PDZD9: variants seen among roughly 807,000 people sequenced by gnomAD.
PDZD9 encodes PDZ domain-containing protein 9.
In PDZD9, 13 loss-of-function variants were observed where a neutral mutation model predicts 16.3. That is an observed-to-expected ratio of 0.80 (90% CI 0.52 to 1.27). The LOEUF is 1.27. Ranked by LOEUF, PDZD9 falls within the 50% of genes most tolerant of loss-of-function variation. The pLI, the probability that PDZD9 is intolerant of heterozygous loss-of-function variation, is 0.00. For missense variants in PDZD9, 288 were observed against 310.9 expected, an observed-to-expected ratio of 0.93 and a Z score of 0.55; for synonymous variants, 120 against 111.0, an observed-to-expected ratio of 1.08 and a Z score of -0.51.
rs779303317 is a variant in PDZD9 at position 21,988,807 on chromosome 16, A to G, written c.212-16T>C. The stretch of plus-strand genomic sequence containing the variant: ...AGAACATCACCTGAAGAGGGAAAAA[A>G]TTATGTATCAGTAAAACTAGAGGTT... On this transcript the variant is annotated splice_polypyrimidine_tract_variant and intron_variant, in intron 2 of 3. Transcript: ENST00000424898. 14 of 1,577,494 alleles carry G rather than the reference A, an allele frequency of 8.9e-6. No individual in the cohort carries two copies. Among genetic ancestry groups the G allele is most frequent in the East Asian group, 4.5e-5 (2 of 44,502 alleles).
At chr16:21,963,131 G>C in the PDZD9 span, 1 of 301,588 alleles carries the variant, frequency 3.3e-6, no homozygotes, top group Non-Finnish European at 6.2e-6. Flanking sequence ...TGGAATTATA[G>C]GTGTGCACCA....
chr16:21,979,888 A>C (rs1898674305), downstream of PDZD9, among the ~76,000 whole-genome samples: 1 of 152,230 alleles, frequency 6.6e-6, no homozygotes, highest in African/African-American at 2.4e-5. Flanking sequence ...ATTATGTAGT[A>C]CATGACTATA....
In PDZD9 at chr16:21,984,677, A is replaced by G. The variant is rs1898831759; in HGVS notation, c.402-17T>C. ...TTTGGTGTGCTGAAATGAAAAGAAT[A>G]GTGAATAAAATAGATTCTTCATGTC... is the stretch of plus-strand genomic sequence containing the variant. On this transcript the variant is annotated splice_polypyrimidine_tract_variant and intron_variant, in intron 3 of 3. Transcript: ENST00000424898. The G allele has an allele frequency of 2.0e-6, 3 of 1,482,072 alleles. No individual in the cohort carries two copies. Among genetic ancestry groups the G allele is most frequent in the Non-Finnish European group, 2.7e-6 (3 of 1,115,928 alleles). The allele number at this position is 1,482,072 out of a possible 1,614,324, so 91.8% of individuals were successfully genotyped here.
chr16:21,980,777 C>T (rs879856861), downstream of PDZD9: 239 of 1,530,790 alleles, frequency 1.6e-4, no homozygotes, highest in Non-Finnish European at 1.8e-4. Flanking sequence ...GATGCATAAG[C>T]GTCCTTGGGC....
intron 3 of PDZD9, among the ~76,000 whole-genome samples, chr16:21,985,934 A>T (rs539510001): frequency 6.6e-6 from 1 of 152,066 alleles, no homozygotes; most frequent in Non-Finnish European, 1.5e-5. Flanking sequence ...TGAACAGCAC[A>T]TGAATTTTTT....
At chr16:21,992,716 T>C (rs1229131237) in intron 2 of PDZD9, among the ~76,000 whole-genome samples, 1 of 152,232 alleles carries the variant, frequency 6.6e-6, no homozygotes, top group Non-Finnish European at 1.5e-5. Context: ...AGCCACAGAC[T>C]GGAGGCTACA....
chr16:21,965,621 G>T, the PDZD9 span: 2,500 of 853,632 alleles, frequency 2.9e-3, 14 homozygotes, highest in South Asian at 0.015. Flanking sequence ...GAAATTCAGC[G>T]TGCTAGCTTT....
chr16:21,971,421 G>T, the PDZD9 span: 1 of 905,756 alleles, frequency 1.1e-6, no homozygotes, highest in Non-Finnish European at 1.7e-6. Flanking sequence ...TTATTTTGTA[G>T]TGTTAGGATT....
At chr16:21,988,891 ATTG>A (rs1415090237) in intron 2 of PDZD9, 100 bp from the exon 3 acceptor site, 1 of 703,190 alleles carries the variant, frequency 1.4e-6, no homozygotes, top group African/African-American at 2.1e-5. Context: ...ATGGGTTCAT[ATTG>A]TTGATTCTTT....
At chr16:21,999,384 G>C (rs1899232769) in intron 1 of PDZD9, 1 of 185,572 alleles carries the variant, frequency 5.4e-6, no homozygotes, top group Non-Finnish European at 1.2e-5. Flanking sequence ...GGACAACCAG[G>C]TGGAGGAGGC....
chr16:21,991,227 A>G (rs1221307935), intron 2 of PDZD9, among the ~76,000 whole-genome samples: 1 of 150,674 alleles, frequency 6.6e-6, no homozygotes, highest in African/African-American at 2.4e-5. Context: ...TTGAAGCTAC[A>G]TTAATTTCTT....
At chr16:21,966,330 T>C in the PDZD9 span, among the ~76,000 whole-genome samples, 3 of 152,164 alleles carry the variant, frequency 2.0e-5, no homozygotes, top group Non-Finnish European at 4.4e-5. Context: ...TTGCTGGCTA[T>C]AGGGGTTTGT....
At chr16:21,960,208 C>T in the PDZD9 span, among the ~76,000 whole-genome samples, 1 of 152,166 alleles carries the variant, frequency 6.6e-6, no homozygotes, top group Non-Finnish European at 1.5e-5. Context: ...AGTGTAGCCA[C>T]CTTCATCGAT....
At chr16:21,961,942 T>G in the PDZD9 span, among the ~76,000 whole-genome samples, 1 of 152,034 alleles carries the variant, frequency 6.6e-6, no homozygotes, top group Middle Eastern at 3.4e-3. Flanking sequence ...TGTGAGCCAC[T>G]GCGCCCGGCC....
Position 21,996,324 on chromosome 16 carries a change from G to A in PDZD9, c.209C>T (p.Pro70Leu). ...AAGCATGGCGAAAGGGCAATCACCT[G>A]GCTGGAGTTTCCCGTCGTTGGCTGC... The part of the protein sequence containing the change: ...GAAANDGKLQ[P>L]GDVLISVGHA... The change falls in exon 2 of 4, where the codon CCA (proline) becomes CTA (leucine). Residue 70 changes from proline (P) to leucine (L), a missense_variant and splice_region_variant. Pro to Leu is a moderately conservative substitution (Grantham distance 98). Coordinates refer to ENST00000424898, the MANE Select transcript of PDZD9 (RefSeq NM_001363519.1). The A allele has an allele frequency of 6.5e-7, 1 of 1,535,074 alleles. No individual in the cohort carries two copies. Among genetic ancestry groups the A allele is most frequent in the Non-Finnish European group, 8.7e-7 (1 of 1,146,570 alleles).
chr16:21,960,135 G>C, the PDZD9 span, among the ~76,000 whole-genome samples: 1 of 152,192 alleles, frequency 6.6e-6, no homozygotes, highest in South Asian at 2.1e-4. Flanking sequence ...CTCTAGCTAC[G>C]AATGTCCTGG....
downstream of PDZD9, chr16:21,983,301 G>C: frequency 1.4e-6 from 1 of 733,164 alleles, no homozygotes; most frequent in South Asian, 2.1e-5. Context: ...CATAAATGCA[G>C]GTAATTATTC....
At chr16:21,964,671 TATTA>T in the PDZD9 span, among the ~76,000 whole-genome samples, 1 of 152,214 alleles carries the variant, frequency 6.6e-6, no homozygotes, top group Non-Finnish European at 1.5e-5. Context: ...ATATTACTTG[TATTA>T]ATTGTTTTCC....
the PDZD9 span, chr16:21,973,784 A>G: frequency 1.2e-6 from 1 of 850,028 alleles, no homozygotes; most frequent in Non-Finnish European, 1.9e-6. Flanking sequence ...TAAAATATTA[A>G]TCTATTTTGT....
Sources: gnomAD v4.1 joint callset for allele counts (sites outside exome capture counted in the v4.1 genomes callset) on GRCh38, gnomAD v4.1.1 for gene constraint, MANE v1.5 for transcripts, NCBI Gene and HGNC (gene_info 2026-07-23, HGNC 2026-07-21) for gene names.